C14orf39: variants seen among roughly 807,000 people sequenced by gnomAD.
The protein encoded by C14orf39 is protein SIX6OS1.
Under a neutral mutation model 85.6 loss-of-function variants are expected in C14orf39, and 66 were observed. That is an observed-to-expected ratio of 0.77 (90% confidence interval 0.63 to 0.95). C14orf39 has a LOEUF of 0.95. Among genes scored for constraint, C14orf39 ranks in the 40% least tolerant of loss-of-function variants. C14orf39 has a pLI of 0.00. For missense variants in C14orf39, 735 were observed against 663.9 expected, an observed-to-expected ratio of 1.11 and a Z score of -1.18; for synonymous variants, 242 against 214.0, an observed-to-expected ratio of 1.13 and a Z score of -1.14.
At chr14:60,508,883 AGGGGTAGAGCGGGGT>A (rs969288005) in intron 1 of C14orf39, 3 of 143,176 alleles carry the variant, frequency 2.1e-5, no homozygotes, top group African/African-American at 8.6e-5. Flanking sequence ...AAAGGGAGGG[AGGGGTAGAGCGGGGT>A]GGGGGAGGGA....
chr14:60,458,385 T>C (rs554937353), intron 14 of C14orf39, among the ~76,000 whole-genome samples: 144 of 152,076 alleles, frequency 9.5e-4, no homozygotes, highest in Middle Eastern at 3.4e-3. Context: ...TGTCTTTCTG[T>C]ACTTGGTTTA....
intron 1 of C14orf39, among the ~76,000 whole-genome samples, chr14:60,508,501 C>T (rs893317812): frequency 2.0e-5 from 3 of 152,134 alleles, no homozygotes; most frequent in Non-Finnish European, 4.4e-5. Flanking sequence ...TCCTTGTTGG[C>T]ATTTAAAATT....
intron 17 of C14orf39, among the ~76,000 whole-genome samples, chr14:60,439,235 A>G (rs551446282): frequency 1.3e-5 from 2 of 152,206 alleles, no homozygotes; most frequent in Non-Finnish European, 2.9e-5. Flanking sequence ...TTAGAAAAGT[A>G]GAAGCATAAT....
chr14:60,500,826 A>G (rs971552801), intron 1 of C14orf39, among the ~76,000 whole-genome samples: 1 of 152,204 alleles, frequency 6.6e-6, no homozygotes, highest in Non-Finnish European at 1.5e-5. Flanking sequence ...TAGTGCTTGG[A>G]TTTTTATGTC....
intron 11 of C14orf39, among the ~76,000 whole-genome samples, chr14:60,465,343 A>T (rs2140101663): frequency 6.6e-6 from 1 of 152,200 alleles, no homozygotes; most frequent in Non-Finnish European, 1.5e-5. Context: ...AAGATAAAAA[A>T]GTGTGCCACC....
intron 1 of C14orf39, chr14:60,511,181 G>C (rs1265888751): frequency 1.2e-6 from 2 of 1,612,936 alleles, no homozygotes; most frequent in Non-Finnish European, 8.5e-7. Flanking sequence ...CAGCCCGGCC[G>C]CCAGTCTATC....
chr14:60,490,120 G>A (rs1212460240), upstream of C14orf39, among the ~76,000 whole-genome samples: 1 of 152,046 alleles, frequency 6.6e-6, no homozygotes, highest in East Asian at 1.9e-4. Context: ...GCCATTAAAT[G>A]TTGTAAATCT....
rs1486417334 is a variant in C14orf39 at position 60,504,328 on chromosome 14, C to A, written c.-143-4898G>T. 1.3e-5 allele frequency among the ~76,000 whole-genome samples: 2 copies of A among 152,150 alleles called. 1 individual carries two copies. The highest frequency in any genetic ancestry group is 4.8e-5 in the African/African-American group (2 of 41,426). ...CTTAGAAGGAAATTATGATTTACTA[C>A]ACATGTAATACAAACAGTTGATACA... On this transcript the variant is annotated intron_variant, in intron 1 of 5. Coordinates refer to the C14orf39 transcript ENST00000556799.
chr14:60,453,630 T>G (rs1287781518), intron 16 of C14orf39, among the ~76,000 whole-genome samples: 4 of 151,874 alleles, frequency 2.6e-5, no homozygotes, highest in African/African-American at 9.7e-5. Flanking sequence ...TATTGTTTCT[T>G]TTCTACCTTG....
intron 1 of C14orf39, among the ~76,000 whole-genome samples, chr14:60,500,877 A>G (rs1893135518): frequency 6.6e-6 from 1 of 152,194 alleles, no homozygotes; most frequent in Non-Finnish European, 1.5e-5. Flanking sequence ...AAACGAACAA[A>G]AAAAAAGACA....
chr14:60,470,454 C>G (rs1892024394), intron 7 of C14orf39, among the ~76,000 whole-genome samples: 1 of 151,730 alleles, frequency 6.6e-6, no homozygotes. Context: ...CTATTATTAT[C>G]AAGTTTCCAT....
chr14:60,471,592 T>G lies in C14orf39; in HGVS notation c.471A>C (p.Glu157Asp), dbSNP rs1849350136. The change falls in exon 6 of 18, where the codon GAA (glutamate) becomes GAC (aspartate). Residue 157 changes from glutamate to aspartate, a missense_variant. By Grantham distance (45) the Glu-to-Asp change is conservative. Transcript: ENST00000321731. Reference sequence around the variant, plus strand: ...AAATTGTTTCATTCATTTTTAATTGTTCAGTACATGCCAACACTCTGCTTT... The same window carrying G: ...AAATTGTTTCATTCATTTTTAATTGGTCAGTACATGCCAACACTCTGCTTT... ...EIQSRVLACT[E>D]QLKMNETIFM... 6.2e-7 allele frequency: 1 copy of G among 1,604,988 alleles called. No individual in the cohort carries two copies. Among genetic ancestry groups the G allele is most frequent in the African/African-American group, 1.3e-5 (1 of 74,326 alleles).
intron 1 of C14orf39, chr14:60,509,123 C>T: frequency 4.0e-6 from 2 of 502,874 alleles, no homozygotes; most frequent in South Asian, 2.2e-5. Context: ...CCATGGCGCC[C>T]GCGCCGCCAA....
At chr14:60,488,737 C>T (rs1892941192), upstream of C14orf39, among the ~76,000 whole-genome samples, 1 of 152,134 alleles carries the variant, frequency 6.6e-6, no homozygotes, top group Non-Finnish European at 1.5e-5. Flanking sequence ...TTCAATTTAA[C>T]TACTATCTCC....
chr14:60,478,923 A>G (rs565757319), intron 4 of C14orf39, among the ~76,000 whole-genome samples: 605 of 48,040 alleles, frequency 0.013, 4 homozygotes, highest in African/African-American at 0.022. Flanking sequence ...ACAAATATTC[A>G]TCTTATACAT....
intron 4 of C14orf39, among the ~76,000 whole-genome samples, chr14:60,481,773 G>A (rs751451393): frequency 4.6e-5 from 7 of 151,784 alleles, no homozygotes; most frequent in African/African-American, 2.4e-5. Context: ...GTATTTACCC[G>A]TTTACCTTCT....
chr14:60,452,830 T>C (rs1164525848), intron 16 of C14orf39, among the ~76,000 whole-genome samples: 1 of 152,180 alleles, frequency 6.6e-6, no homozygotes, highest in Non-Finnish European at 1.5e-5. Context: ...CTGATTTATC[T>C]CATGATTTCT....
In C14orf39 at chr14:60,444,805, G is replaced by A. The variant is rs186004471; in HGVS notation, c.1504-2674C>T. On this transcript the variant is annotated intron_variant, in intron 16 of 17. Coordinates refer to ENST00000321731, the MANE Select transcript of C14orf39 (RefSeq NM_174978.3). ...ATGTTAAGGGCAGCCAGAGAGAAAG[G>A]TCGGGTTACCCACAAAGGGAATCCC... 7.9e-5 allele frequency among the ~76,000 whole-genome samples: 12 copies of A among 152,268 alleles called. No homozygotes were observed. The East Asian group carries it at 2.3e-3, about 29-fold the overall frequency.
At position 60,484,665 on chromosome 14, in the gene C14orf39, T is replaced by C. The variant is rs1259660401; in HGVS notation, c.106+216A>G. Among the ~76,000 whole-genome samples, 3 of 152,186 alleles carry C rather than the reference T, an allele frequency of 2.0e-5. No individual in the cohort carries two copies. The highest frequency in any genetic ancestry group is 2.9e-5 in the Non-Finnish European group (2 of 68,026). On this transcript the variant is annotated intron_variant, in intron 3 of 17. Transcript: ENST00000321731. The surrounding 1 kb of genome is among the most constrained non-coding windows in gnomAD (Gnocchi z 4.2). The stretch of plus-strand genomic sequence containing the variant: ...TTTCTACTTAAGACAAAATTCTTCA[T>C]AAAATAATTAAATGCTGAATATAGA...
Sources: allele counts gnomAD v4.1 joint callset (sites outside exome capture counted in the v4.1 genomes callset), GRCh38; gene constraint gnomAD v4.1.1; non-coding constraint Gnocchi (gnomAD v3.1); transcripts MANE v1.5; gene names NCBI Gene and HGNC (gene_info 2026-07-23, HGNC 2026-07-21).